The following DNAH7 variants were observed in gnomAD, a reference collection of about 807,000 sequenced individuals.
DNAH7 encodes the protein dynein axonemal heavy chain 7.
Under a neutral mutation model 444.6 loss-of-function variants are expected in DNAH7, and 397 were observed. That is an observed-to-expected ratio of 0.89 (90% CI 0.82 to 0.97). The LOEUF is 0.97. Ranked by LOEUF, DNAH7 falls within the 50% of genes least tolerant of loss-of-function variation. The pLI is 0.00. For synonymous variants in DNAH7, 1,636 were observed against 1,624.4 expected, an observed-to-expected ratio of 1.01 and a Z score of -0.17; for missense variants, 4,902 against 4,800.8, an observed-to-expected ratio of 1.02 and a Z score of -0.62.
intron 48 of DNAH7, among the ~76,000 whole-genome samples, chr2:195,832,571 T>G (rs1318618891): frequency 6.6e-6 from 1 of 151,920 alleles, no homozygotes. Flanking sequence ...GCCTCCTGAG[T>G]AGCTGGGACC....
intron 24 of DNAH7, among the ~76,000 whole-genome samples, chr2:195,911,918 T>C (rs1251253695): frequency 1.3e-5 from 2 of 152,008 alleles, no homozygotes; most frequent in African/African-American, 2.4e-5. Context: ...GTAAAGAAAA[T>C]GATAAAAATT....
intron 12 of DNAH7, among the ~76,000 whole-genome samples, chr2:195,988,514 AG>A (rs1056405705): frequency 5.3e-5 from 8 of 152,264 alleles, no homozygotes; most frequent in Admixed American, 5.2e-4. Flanking sequence ...AATAATATTT[AG>A]AATAAAAAAC....
chr2:196,015,403 A>G (rs1218989743), intron 9 of DNAH7, among the ~76,000 whole-genome samples: 2 of 152,160 alleles, frequency 1.3e-5, no homozygotes, highest in Non-Finnish European at 2.9e-5. Context: ...ATCAAATAAT[A>G]AATTTTTAAA....
rs1337297697 is a variant in DNAH7, at chr2:196,020,931, A to G, written c.744-1636T>C. 2.0e-5 allele frequency among the ~76,000 whole-genome samples: 3 copies of G among 152,072 alleles called. No homozygotes were observed. In the East Asian group the frequency reaches 5.8e-4, roughly 29 times the overall value. ...TTGGCCTTTGGGGCATTTTAAAATG[A>G]TATAAAAGAAAATAAAACTGAAGTG... On this transcript the variant is annotated intron_variant, in intron 8 of 64. Coordinates refer to ENST00000312428, the MANE Select transcript of DNAH7 (RefSeq NM_018897.3).
intron 5 of DNAH7, among the ~76,000 whole-genome samples, chr2:196,037,179 T>C (rs927482340): frequency 5.9e-5 from 9 of 152,124 alleles, no homozygotes; most frequent in Non-Finnish European, 5.9e-5. Context: ...CATTACACTA[T>C]GGTGTCCACC....
chr2:195,843,077 T>G (rs1213586710), intron 47 of DNAH7, among the ~76,000 whole-genome samples: 1 of 152,334 alleles, frequency 6.6e-6, no homozygotes, highest in African/African-American at 2.4e-5. Context: ...ACTATTTTCA[T>G]GCTGTAGTTA....
At chr2:195,879,397 A>G (rs933594523) in intron 36 of DNAH7, among the ~76,000 whole-genome samples, 1 of 152,208 alleles carries the variant, frequency 6.6e-6, no homozygotes, top group African/African-American at 2.4e-5. Flanking sequence ...GATAAAATGT[A>G]CAAATCAGAC....
At chr2:196,065,745 G>A (rs991318317) in intron 1 of DNAH7, among the ~76,000 whole-genome samples, 7 of 152,184 alleles carry the variant, frequency 4.6e-5, no homozygotes, top group Non-Finnish European at 1.0e-4. Flanking sequence ...GCACTCATCA[G>A]GGTCTGAGAA....
intron 41 of DNAH7, among the ~76,000 whole-genome samples, chr2:195,863,034 C>A (rs1700113267): frequency 6.6e-6 from 1 of 152,110 alleles, no homozygotes; most frequent in Non-Finnish European, 1.5e-5. Flanking sequence ...GAGACTGCAT[C>A]TCAAAACAAC....
At chr2:195,969,805 T>TCTA (rs1330808828) in intron 17 of DNAH7, 143 bp downstream of exon 17, 3 of 821,664 alleles carry the variant, frequency 3.7e-6, no homozygotes. Flanking sequence ...GTCTATAAAA[T>TCTA]CTATTTGTGT....
chr2:195,744,093 G>A (rs1693221720), intron 63 of DNAH7, among the ~76,000 whole-genome samples: 1 of 152,228 alleles, frequency 6.6e-6, no homozygotes, highest in African/African-American at 2.4e-5. Context: ...AGGGGTCAGG[G>A]AGTTCCCTTT....
At chr2:195,851,236 G>C (rs1187216109) in intron 46 of DNAH7, among the ~76,000 whole-genome samples, 3 of 152,206 alleles carry the variant, frequency 2.0e-5, no homozygotes, top group East Asian at 1.9e-4. Flanking sequence ...AGATAAAAGA[G>C]TGAAGATGAC....
intron 63 of DNAH7, among the ~76,000 whole-genome samples, chr2:195,744,901 G>A (rs940222522): frequency 1.3e-5 from 2 of 152,142 alleles, no homozygotes; most frequent in Non-Finnish European, 2.9e-5. Context: ...CACAAAGATG[G>A]GGAAAAAACA....
In DNAH7 at chr2:195,787,128, G is replaced by C. The variant is rs542030329; in HGVS notation, c.10760C>G (p.Ala3587Gly). The C allele has an allele frequency of 6.6e-5, 106 of 1,608,202 alleles. No individual in the cohort carries two copies. The highest frequency in any genetic ancestry group is 8.4e-5 in the Non-Finnish European group (99 of 1,178,474). Residue 3587 changes from alanine to glycine, a missense_variant, in exon 58 of 65, where the codon GCT becomes GGT. Ala to Gly is a moderately conservative substitution (Grantham distance 60, BLOSUM62 0). Transcript: ENST00000312428. ...KLLYGLCFFH[A>G]LVQERRKFGP... The stretch of plus-strand genomic sequence containing the variant: ...AAATTTCCGTCTTTCTTGTACCAAA[G>C]CATGAAAGAAACACAGGCCATAAAG...
At chr2:195,814,550 T>C (rs1199246217) in intron 51 of DNAH7, among the ~76,000 whole-genome samples, 1 of 152,172 alleles carries the variant, frequency 6.6e-6, no homozygotes, top group Non-Finnish European at 1.5e-5. Flanking sequence ...AAAATGTCTT[T>C]AAATGGCAGA....
At chr2:195,758,349 G>T (rs1694183689) in intron 61 of DNAH7, among the ~76,000 whole-genome samples, 2 of 152,148 alleles carry the variant, frequency 1.3e-5, no homozygotes, top group South Asian at 4.1e-4. Context: ...ACACAAAAAA[G>T]ATTATTCTGA....
intron 10 of DNAH7, among the ~76,000 whole-genome samples, chr2:196,012,273 T>C (rs1160996758): frequency 1.3e-5 from 2 of 152,188 alleles, no homozygotes; most frequent in Non-Finnish European, 2.9e-5. Context: ...AATTATCATA[T>C]GTGGCTATTC....
At chr2:195,935,493 T>C (rs1688987497) in intron 20 of DNAH7, among the ~76,000 whole-genome samples, 1 of 152,186 alleles carries the variant, frequency 6.6e-6, no homozygotes, top group Non-Finnish European at 1.5e-5. Context: ...TTAACAAGTA[T>C]CTATTCACTG....
chr2:195,799,510 A>C (rs768589617), intron 54 of DNAH7, 38 bp from the exon 55 acceptor site: 13 of 1,486,564 alleles, frequency 8.7e-6, no homozygotes, highest in Non-Finnish European at 1.1e-5. Context: ...AGAATATTCA[A>C]AATCTGCCTA....
Sources: allele counts gnomAD v4.1 joint callset (sites outside exome capture counted in the v4.1 genomes callset), GRCh38; gene constraint gnomAD v4.1.1; transcripts MANE v1.5; gene names NCBI Gene and HGNC (gene_info 2026-07-23, HGNC 2026-07-21).